GLI3: variants seen among roughly 807,000 people sequenced by gnomAD.
GLI3 encodes the protein GLI family zinc finger 3.
Under a neutral mutation model 100.8 loss-of-function variants are expected in GLI3, and 20 were observed. The observed-to-expected ratio is 0.20, with a 90% confidence interval of 0.14 to 0.29. The LOEUF (loss-of-function observed/expected upper bound fraction) is 0.29. Among genes scored for constraint, GLI3 ranks in the 10% least tolerant of loss-of-function variants. GLI3 has a pLI of 1.00. For synonymous variants in GLI3, 938 were observed against 860.5 expected (o/e 1.09, Z -1.58); for missense variants, 2,040 against 2,128.5 (o/e 0.96, Z 0.82).
At chr7:42,242,693 CCATCTTCCTTAGAAGAT>C (rs1007744831), upstream of GLI3, among the ~76,000 whole-genome samples, 2 of 152,104 alleles carry the variant, frequency 1.3e-5, no homozygotes, top group African/African-American at 4.8e-5. Flanking sequence ...TTAGCAGGAC[CCATCTTCCTTAGAAGAT>C]GGTTTACAGC....
chr7:42,202,321 C>CTT (rs1788056565), intron 2 of GLI3, among the ~76,000 whole-genome samples: 1 of 41,386 alleles, frequency 2.4e-5, no homozygotes, highest in Admixed American at 3.5e-4. Flanking sequence ...TAGAATCTGT[C>CTT]TCTCTCTCTC....
chr7:42,066,153 A>T (rs1784670656), intron 4 of GLI3, among the ~76,000 whole-genome samples: 1 of 152,188 alleles, frequency 6.6e-6, no homozygotes, highest in African/African-American at 2.4e-5. Flanking sequence ...CAAAATAAAC[A>T]GTTCAACAAA....
Position 41,966,215 on chromosome 7 carries a change from A to T in GLI3, c.2858T>A (p.Leu953Gln), listed in dbSNP as rs1321905718. 6.2e-7 allele frequency: 1 copy of T among 1,608,172 alleles called. No individual in the cohort carries two copies. The highest frequency in any genetic ancestry group is 1.1e-5 in the South Asian group (1 of 90,852). Residue 953 changes from leucine to glutamine, a missense_variant, in exon 15 of 15, where the codon CTG becomes CAG. Transcript: ENST00000395925. The surrounding 1 kb of genome is among the most constrained non-coding windows in gnomAD (Gnocchi z 5.8). ...TPLPNMERMS[L>Q]KTRLALLGDA... ...CCCGAGCAGCGCCAGGCGCGTCTTCAGGCTCATCCTCTCCATGTTGGGCAG... is the reference window on the plus strand; with the variant it reads ...CCCGAGCAGCGCCAGGCGCGTCTTCTGGCTCATCCTCTCCATGTTGGGCAG...
chr7:41,981,115 G>A (rs932990197), intron 10 of GLI3, among the ~76,000 whole-genome samples: 2 of 152,122 alleles, frequency 1.3e-5, no homozygotes, highest in African/African-American at 2.4e-5. Context: ...ACACTACAGC[G>A]GACCGATGAC....
At chr7:42,045,702 T>C (rs1432748335) in intron 5 of GLI3, among the ~76,000 whole-genome samples, 172 bp from the exon 6 acceptor site, 3 of 152,242 alleles carry the variant, frequency 2.0e-5, no homozygotes, top group African/African-American at 7.2e-5. Context: ...AAACATCTTT[T>C]ATTTGAAAAT....
intron 1 of GLI3, among the ~76,000 whole-genome samples, chr7:42,228,536 C>T (rs1374980763): frequency 1.3e-5 from 2 of 152,152 alleles, no homozygotes; most frequent in Non-Finnish European, 2.9e-5. Context: ...CTACAGTTGG[C>T]CCAGCCAAAT....
chr7:42,251,494 A>C (rs996662935), intron 1 of GLI3, among the ~76,000 whole-genome samples: 2 of 151,484 alleles, frequency 1.3e-5, no homozygotes, highest in Non-Finnish European at 2.9e-5. Context: ...GTGGCTGGGG[A>C]CCCCCCTGCT....
In GLI3 at chr7:41,966,846, G is replaced by A. The variant is rs1361091255; in HGVS notation, c.2432-205C>T. ...AGAGCAGTGAGCAAGCAAGCGTGGC[G>A]GGGTGTCCATGAAGCTTCCTTTACA... is the stretch of plus-strand genomic sequence containing the variant. On this transcript the variant is annotated intron_variant, in intron 14 of 14. Coordinates refer to ENST00000395925, the MANE Select transcript of GLI3 (RefSeq NM_000168.6). The surrounding 1 kb of genome is among the most constrained non-coding windows in gnomAD (Gnocchi z 5.8). Among the ~76,000 whole-genome samples, 1 of 152,076 alleles carries A rather than the reference G, an allele frequency of 6.6e-6. No homozygotes were observed.
intron 7 of GLI3, among the ~76,000 whole-genome samples, chr7:42,031,697 T>A (rs1413282239): frequency 6.6e-6 from 1 of 152,214 alleles, no homozygotes; most frequent in Non-Finnish European, 1.5e-5. Context: ...GGTTGTTAGA[T>A]AGCTTACTAA....
At chr7:42,092,192 C>T (rs141232211) in intron 3 of GLI3, among the ~76,000 whole-genome samples, 46 of 152,306 alleles carry the variant, frequency 3.0e-4, no homozygotes, top group African/African-American at 1.1e-3. Flanking sequence ...AGGCAGAGTC[C>T]AAGAGCACAC....
At chr7:42,153,586 G>C (rs573367735) in intron 2 of GLI3, among the ~76,000 whole-genome samples, 1 of 151,920 alleles carries the variant, frequency 6.6e-6, no homozygotes, top group East Asian at 1.9e-4. Context: ...AAATGTTAAG[G>C]GGGGGTGGGG....
intron 2 of GLI3, among the ~76,000 whole-genome samples, chr7:42,201,630 A>G (rs1255709632): frequency 6.6e-6 from 1 of 152,198 alleles, no homozygotes; most frequent in African/African-American, 2.4e-5. Context: ...ACATGGACCC[A>G]GATAGTAGAG....
At chr7:41,967,487 G>A (rs530610638) in intron 14 of GLI3, 109 bp downstream of exon 14, 218 of 794,684 alleles carry the variant, frequency 2.7e-4, no homozygotes, top group African/African-American at 2.6e-3. Context: ...TGGTTACAGC[G>A]TCATTTTAGG....
intron 1 of GLI3, among the ~76,000 whole-genome samples, chr7:42,256,691 G>A (rs142068049): frequency 1.4e-4 from 22 of 152,252 alleles, no homozygotes; most frequent in Admixed American, 9.8e-4. Flanking sequence ...TGGCTTTAGA[G>A]TAAGTTTTGA....
At chr7:42,120,188 T>C (rs975390193) in intron 3 of GLI3, among the ~76,000 whole-genome samples, 1 of 152,242 alleles carries the variant, frequency 6.6e-6, no homozygotes. Context: ...GCTTTCCATA[T>C]GCAAGACATT....
At chr7:42,014,136 T>C (rs1484028381) in intron 10 of GLI3, among the ~76,000 whole-genome samples, 1 of 152,206 alleles carries the variant, frequency 6.6e-6, no homozygotes, top group Admixed American at 6.5e-5. Context: ...ACTTGCAACT[T>C]GCCAGGTTTT....
rs1233089162 is a variant in GLI3 at position 41,966,670 on chromosome 7, C to A, written c.2432-29G>T. The A allele has an allele frequency of 2.5e-6, 4 of 1,612,230 alleles. No homozygotes were observed. Among genetic ancestry groups the A allele is most frequent in the Admixed American group, 1.7e-5 (1 of 60,034 alleles). ...GAGACAGAGAAAGGGAGAGACCATGCGGAGATGAATTCCCTTCGAGCATGA... is the reference window on the plus strand; with the variant it reads ...GAGACAGAGAAAGGGAGAGACCATGAGGAGATGAATTCCCTTCGAGCATGA... On this transcript the variant is annotated intron_variant, in intron 14 of 14. Coordinates refer to ENST00000395925, the MANE Select transcript of GLI3 (RefSeq NM_000168.6). The surrounding 1 kb of genome is among the most constrained non-coding windows in gnomAD (Gnocchi z 5.8).
At chr7:42,002,073 C>T (rs1357674448) in intron 10 of GLI3, among the ~76,000 whole-genome samples, 1 of 151,338 alleles carries the variant, frequency 6.6e-6, no homozygotes, top group Non-Finnish European at 1.5e-5. Context: ...CACACACACA[C>T]ACACGCACAC....
At chr7:41,991,961 G>A (rs1787999078) in intron 10 of GLI3, among the ~76,000 whole-genome samples, 1 of 152,194 alleles carries the variant, frequency 6.6e-6, no homozygotes, top group East Asian at 1.9e-4. Context: ...ATGCTGGTGA[G>A]TGGCTGTAGG....
Sources: gnomAD v4.1 joint callset for allele counts (sites outside exome capture counted in the v4.1 genomes callset) on GRCh38, gnomAD v4.1.1 for gene constraint, Gnocchi (gnomAD v3.1) non-coding constraint, MANE v1.5 for transcripts, NCBI Gene and HGNC (gene_info 2026-07-23, HGNC 2026-07-21) for gene names.